Variants in CTNNA3 observed in about 807,000 individuals in gnomAD.
CTNNA3 encodes the protein catenin alpha 3.
In CTNNA3, 76 loss-of-function variants were observed where a neutral mutation model predicts 95.7. The ratio of observed to expected loss-of-function variants is 0.79; its 90% CI spans 0.66 to 0.96. CTNNA3 has a LOEUF of 0.96. Ranked by LOEUF, CTNNA3 falls within the 40% of genes least tolerant of loss-of-function variation. The pLI is 0.00. For synonymous variants in CTNNA3, 431 were observed against 374.4 expected (o/e 1.15, Z -1.74); for missense variants, 1,191 against 1,089.8 (o/e 1.09, Z -1.31).
At chr10:67,205,126 G>A (rs968114527) in intron 6 of CTNNA3, among the ~76,000 whole-genome samples, 2 of 152,082 alleles carry the variant, frequency 1.3e-5, no homozygotes, top group African/African-American at 4.8e-5. Context: ...TTGGGGGAAG[G>A]GTTATTAACA....
At chr10:66,719,425 G>A (rs924642732) in intron 9 of CTNNA3, among the ~76,000 whole-genome samples, 2 of 152,124 alleles carry the variant, frequency 1.3e-5, no homozygotes, top group Non-Finnish European at 2.9e-5. Context: ...CATTTTAGGA[G>A]CAAAAGATAT....
chr10:66,511,717 C>T (rs1444473133), intron 11 of CTNNA3, among the ~76,000 whole-genome samples: 4 of 151,674 alleles, frequency 2.6e-5, no homozygotes, highest in African/African-American at 9.7e-5. Context: ...TCCACTGAAA[C>T]CTGAGAATAC....
At chr10:65,947,108 G>C (rs2924310) in intron 17 of CTNNA3, among the ~76,000 whole-genome samples, 147,778 of 148,074 alleles carry the variant, frequency 1, 73,741 homozygotes, top group Middle Eastern at 1. Context: ...TTTTTTTGTA[G>C]AATTCATCCA....
At chr10:67,521,230 TATAA>T (rs1200841693) in intron 5 of CTNNA3, among the ~76,000 whole-genome samples, 1 of 152,186 alleles carries the variant, frequency 6.6e-6, no homozygotes, top group African/African-American at 2.4e-5. Context: ...AATATTAGGT[TATAA>T]AGTACCAGTT....
At chr10:66,009,869 T>C (rs2078971429) in intron 15 of CTNNA3, among the ~76,000 whole-genome samples, 1 of 152,242 alleles carries the variant, frequency 6.6e-6, no homozygotes, top group African/African-American at 2.4e-5. Context: ...GCCATGGTCT[T>C]ACATATCACA....
chr10:67,017,269 A>G (rs1240861901), intron 7 of CTNNA3, among the ~76,000 whole-genome samples: 2 of 152,232 alleles, frequency 1.3e-5, no homozygotes, highest in African/African-American at 4.8e-5. Flanking sequence ...AACTTCAAAT[A>G]AACTAGGCCA....
intron 6 of CTNNA3, among the ~76,000 whole-genome samples, chr10:67,214,947 TGGG>T: frequency 6.6e-6 from 1 of 152,174 alleles, no homozygotes; most frequent in South Asian, 2.1e-4. Flanking sequence ...TGGGATTTAC[TGGG>T]CTTCTTAGCT....
chr10:66,545,911 C>T lies in CTNNA3; in HGVS notation c.1375-25138G>A, dbSNP rs138943128. 8.5e-3 allele frequency among the ~76,000 whole-genome samples: 1,283 copies of T among 150,590 alleles called. 18 individuals are homozygous for T. The highest frequency in any genetic ancestry group is 0.029 in the African/African-American group (1,214 of 41,190). ...GTATATCTATATCTACAAACATATA[C>T]GTATGTTTTATCTACATAAAATTAT... On this transcript the variant is annotated intron_variant, in intron 10 of 17. Coordinates refer to ENST00000433211, the MANE Select transcript of CTNNA3 (RefSeq NM_013266.4).
At chr10:66,230,827 T>C (rs560834615) in intron 13 of CTNNA3, among the ~76,000 whole-genome samples, 42 of 152,162 alleles carry the variant, frequency 2.8e-4, no homozygotes, top group Non-Finnish European at 5.7e-4. Flanking sequence ...TGCTGGATCA[T>C]TTATGCCCTG....
intron 5 of CTNNA3, among the ~76,000 whole-genome samples, chr10:67,494,492 C>T (rs1472014940): frequency 6.6e-6 from 1 of 152,172 alleles, no homozygotes; most frequent in African/African-American, 2.4e-5. Flanking sequence ...ATAGCAGCAG[C>T]TACCTACCAG....
At chr10:67,413,196 C>T (rs550166147) in intron 5 of CTNNA3, among the ~76,000 whole-genome samples, 1 of 152,222 alleles carries the variant, frequency 6.6e-6, no homozygotes, top group Non-Finnish European at 1.5e-5. Flanking sequence ...TGTCACCATT[C>T]CTCATCATTC....
At chr10:67,269,437 C>CTTCAATATTTTGTGAACA (rs1164495149) in intron 5 of CTNNA3, among the ~76,000 whole-genome samples, 2 of 152,034 alleles carry the variant, frequency 1.3e-5, no homozygotes, top group African/African-American at 4.8e-5. Flanking sequence ...TTCAAATGTG[C>CTTCAATATTTTGTGAACA]TTCAATATTT....
At chr10:66,833,897 G>A (rs1842808421) in intron 7 of CTNNA3, among the ~76,000 whole-genome samples, 1 of 151,992 alleles carries the variant, frequency 6.6e-6, no homozygotes, top group Admixed American at 6.6e-5. Context: ...TTTCTATTTT[G>A]AATACCTAAG....
chr10:67,180,420 G>A lies in CTNNA3; in HGVS notation c.944C>T (p.Ala315Val), dbSNP rs574794092. 18 of 1,613,738 alleles carry A rather than the reference G, an allele frequency of 1.1e-5. No individual in the cohort carries two copies. In the South Asian group the frequency reaches 1.4e-4, roughly 13 times the overall value. Reference protein sequence around the residue: ...EAIISGAALLADSSCTRDLHR... With the variant: ...EAIISGAALLVDSSCTRDLHR... ...TAAGTCCCTCGTACATGAAGAATCC[G>A]CCAGCAGAGCAGCCCCACTGATAAT... Residue 315 changes from alanine (A) to valine (V), a missense_variant, in exon 7 of 18, where the codon GCG becomes GTG. Transcript: ENST00000433211.
intron 5 of CTNNA3, among the ~76,000 whole-genome samples, chr10:67,221,151 T>A (rs1864632899): frequency 6.6e-6 from 1 of 152,160 alleles, no homozygotes; most frequent in African/African-American, 2.4e-5. Context: ...CCATTATTAA[T>A]AGTTAATAGC....
intron 11 of CTNNA3, among the ~76,000 whole-genome samples, chr10:66,405,726 C>T (rs1284594367): frequency 1.3e-5 from 2 of 152,168 alleles, no homozygotes; most frequent in Non-Finnish European, 2.9e-5. Flanking sequence ...GTACTTGACT[C>T]AGATGTCTGG....
intron 3 of CTNNA3, among the ~76,000 whole-genome samples, chr10:67,562,744 C>G (rs180746091): frequency 1.3e-5 from 2 of 152,126 alleles, no homozygotes; most frequent in Non-Finnish European, 2.9e-5. Flanking sequence ...AAAACCCCAT[C>G]ATCTCAGCCC....
chr10:67,558,363 C>A (rs1018595393), intron 3 of CTNNA3, among the ~76,000 whole-genome samples: 6 of 152,178 alleles, frequency 3.9e-5, no homozygotes, highest in Admixed American at 1.3e-4. Flanking sequence ...TTCCACCCAC[C>A]CCTTTTTCTC....
intron 11 of CTNNA3, among the ~76,000 whole-genome samples, chr10:66,512,021 T>C (rs980387671): frequency 6.6e-6 from 1 of 151,982 alleles, no homozygotes; most frequent in African/African-American, 2.4e-5. Flanking sequence ...TCTTTAACTA[T>C]AATAATATTT....
Sources: allele counts gnomAD v4.1 joint callset (sites outside exome capture counted in the v4.1 genomes callset), GRCh38; gene constraint gnomAD v4.1.1; transcripts MANE v1.5; gene names NCBI Gene and HGNC (gene_info 2026-07-23, HGNC 2026-07-21).